CAPG: variants seen among roughly 807,000 people sequenced by gnomAD.
CAPG encodes capping actin protein, gelsolin like, also known as macrophage-capping protein.
Under a neutral mutation model 44.6 loss-of-function variants are expected in CAPG, and 32 were observed. The ratio of observed to expected loss-of-function variants is 0.72; its 90% CI spans 0.54 to 0.96. CAPG has a LOEUF of 0.96. Ranked by LOEUF, CAPG falls within the 50% of genes least tolerant of loss-of-function variation. The probability of loss-of-function intolerance (pLI) is 0.00; values close to 1 mark genes in which losing one functional copy is unlikely to be tolerated. For synonymous variants in CAPG, 175 were observed against 179.6 expected (o/e 0.97, Z 0.20); for missense variants, 412 against 438.3 (o/e 0.94, Z 0.54).
chr2:85,416,052 T>C (rs1687544634), intron 1 of CAPG, among the ~76,000 whole-genome samples: 1 of 152,070 alleles, frequency 6.6e-6, no homozygotes, highest in Non-Finnish European at 1.5e-5. Context: ...GCCTGGACAA[T>C]GCAAGATACC....
At chr2:85,391,673 CATG>C (rs990146202), downstream of CAPG, 19 of 152,714 alleles carry the variant, frequency 1.2e-4, no homozygotes, top group African/African-American at 4.3e-4. Flanking sequence ...GTGCATGCCC[CATG>C]ATGAGTTTCT....
chr2:85,419,289 A>G (rs762436158), upstream of CAPG: 56 of 152,384 alleles, frequency 3.7e-4, no homozygotes, highest in Middle Eastern at 3.4e-3. Flanking sequence ...GGGCGCTCGC[A>G]TTCAGCATCC....
Position 85,394,838 on chromosome 2 carries a change from G to T in CAPG, c.*55C>A. ...CTGCACTGACCAGGCAGCCAGAGAA[G>T]CAAGCAGGCAGGTGGTGGGGGGCAG... On this transcript the variant is annotated 3_prime_UTR_variant, in exon 10 of 10. Transcript: ENST00000263867. 7.7e-7 allele frequency: 1 copy of T among 1,292,694 alleles called. No homozygotes were observed. The highest frequency in any genetic ancestry group is 1.1e-6 in the Non-Finnish European group (1 of 886,092). 80.1% of individuals were successfully genotyped at this position (1,292,694 alleles called of 1,614,324 possible).
At chr2:85,396,192 T>G (rs755771902) in intron 8 of CAPG, among the ~76,000 whole-genome samples, 7 of 152,140 alleles carry the variant, frequency 4.6e-5, no homozygotes, top group Non-Finnish European at 2.9e-5. Flanking sequence ...CTTTTTTATT[T>G]TTATTTTTTC....
At chr2:85,415,667 T>G (rs1188619659) in intron 1 of CAPG, among the ~76,000 whole-genome samples, 2 of 152,142 alleles carry the variant, frequency 1.3e-5, no homozygotes, top group Non-Finnish European at 2.9e-5. Context: ...AAATTTTTAC[T>G]GAATGCATTA....
chr2:85,395,003 C>T lies in CAPG; in HGVS notation c.982-45G>A. 1 of 1,357,562 alleles carries T rather than the reference C, an allele frequency of 7.4e-7. No homozygotes were observed. Among genetic ancestry groups the T allele is most frequent in the South Asian group, 1.2e-5 (1 of 85,534 alleles). The allele number at this position is 1,357,562 out of a possible 1,614,324, so 84.1% of individuals were successfully genotyped here. On this transcript the variant is annotated intron_variant, in intron 9 of 9. Transcript: ENST00000263867. This position sits in a 1 kb window ranked among gnomAD's most constrained non-coding sequence, Gnocchi z 4.3. Reference sequence around the variant, plus strand: ...GAAGTCTGGTTCACAAAGTTGCCACCTCTGCCTCTGCCCAGGAGGACAGGA... The same window carrying T: ...GAAGTCTGGTTCACAAAGTTGCCACTTCTGCCTCTGCCCAGGAGGACAGGA...
intron 1 of CAPG, among the ~76,000 whole-genome samples, chr2:85,408,338 T>TCACTCACACACA (rs1687264078): frequency 1.5e-5 from 2 of 129,490 alleles, no homozygotes; most frequent in Non-Finnish European, 1.6e-5. Flanking sequence ...GAAGAATCTG[T>TCACTCACACACA]CACACACACA....
At chr2:85,416,765 C>T (rs1024499474) in intron 1 of CAPG, among the ~76,000 whole-genome samples, 14 of 152,184 alleles carry the variant, frequency 9.2e-5, no homozygotes, top group African/African-American at 3.1e-4. Flanking sequence ...CTGCCTGCCT[C>T]GGCCTCCCAA....
At chr2:85,409,347 C>G (rs1687316004) in intron 1 of CAPG, among the ~76,000 whole-genome samples, 1 of 152,162 alleles carries the variant, frequency 6.6e-6, no homozygotes, top group Non-Finnish European at 1.5e-5. Context: ...GCTGGCTGTC[C>G]CATGGTCCTG....
rs190790788 is a variant in CAPG at position 85,417,581 on chromosome 2, C to T, written c.-14+686G>A. The stretch of plus-strand genomic sequence containing the variant: ...CACTGCAAACTCCGCCTCCTGAGTT[C>T]AAGCAATTCTCCTGCCTCAGCCTCC... On this transcript the variant is annotated intron_variant, in intron 1 of 5. Transcript: ENST00000409275. Among the ~76,000 whole-genome samples, 633 of 149,048 alleles carry T rather than the reference C, an allele frequency of 4.2e-3. 5 individuals are homozygous for T. Among genetic ancestry groups the T allele is most frequent in the African/African-American group, 0.015 (608 of 40,476 alleles).
upstream of CAPG, among the ~76,000 whole-genome samples, chr2:85,412,495 TG>T (rs1344868324): frequency 6.6e-6 from 1 of 151,990 alleles, no homozygotes; most frequent in Non-Finnish European, 1.5e-5. Context: ...CCTGGGTGAC[TG>T]GGCAAGACTC....
chr2:85,410,957 C>G (rs377507399), upstream of CAPG, among the ~76,000 whole-genome samples: 1 of 151,572 alleles, frequency 6.6e-6, no homozygotes, highest in Non-Finnish European at 1.5e-5. Context: ...AACTCCTGGG[C>G]TCAAGCGATC....
chr2:85,417,631 T>C (rs948985430), intron 1 of CAPG, among the ~76,000 whole-genome samples: 1 of 151,982 alleles, frequency 6.6e-6, no homozygotes, highest in African/African-American at 2.4e-5. Flanking sequence ...TACAGGCACG[T>C]GCCACCACGC....
chr2:85,406,040 G>A (rs1200180454), intron 1 of CAPG, among the ~76,000 whole-genome samples: 2 of 152,250 alleles, frequency 1.3e-5, no homozygotes, highest in Middle Eastern at 3.4e-3. Flanking sequence ...GGTGGCTCAC[G>A]CCTGTAATCC....
At chr2:85,411,273 T>A (rs903114652), upstream of CAPG, among the ~76,000 whole-genome samples, 1 of 152,262 alleles carries the variant, frequency 6.6e-6, no homozygotes, top group African/African-American at 2.4e-5. Context: ...ACCAGATGTT[T>A]ATCATCATGA....
intron 8 of CAPG, chr2:85,396,013 AAAT>A (rs1264615300): frequency 2.0e-5 from 4 of 198,638 alleles, no homozygotes; most frequent in African/African-American, 9.3e-5. Context: ...CTGAAAAACT[AAAT>A]AAGACAAAGG....
intron 1 of CAPG, among the ~76,000 whole-genome samples, chr2:85,403,620 G>C (rs970803757): frequency 6.6e-6 from 1 of 152,164 alleles, no homozygotes. Flanking sequence ...TGGACACGGT[G>C]GCTCACGCCT....
intron 1 of CAPG, among the ~76,000 whole-genome samples, chr2:85,415,878 C>T (rs1687540133): frequency 6.6e-6 from 1 of 152,006 alleles, no homozygotes. Context: ...GAGACAGGGT[C>T]TCACTCTGTC....
intron 1 of CAPG, among the ~76,000 whole-genome samples, chr2:85,405,909 C>G (rs986968636): frequency 6.6e-6 from 1 of 152,192 alleles, no homozygotes. Context: ...GAATGAGACA[C>G]GGAGTGCGCC....
Sources: gnomAD v4.1 joint callset for allele counts (sites outside exome capture counted in the v4.1 genomes callset) on GRCh38, gnomAD v4.1.1 for gene constraint, Gnocchi (gnomAD v3.1) non-coding constraint, MANE v1.5 for transcripts, NCBI Gene and HGNC (gene_info 2026-07-23, HGNC 2026-07-21) for gene names.